Variants in FGFR2 observed in about 807,000 individuals in gnomAD.
FGFR2 encodes the protein BEK fibroblast growth factor receptor.
Under a neutral mutation model 95.9 loss-of-function variants are expected in FGFR2, and 19 were observed. The observed-to-expected ratio is 0.20, with a 90% CI of 0.14 to 0.29. The LOEUF is 0.29. Among genes scored for constraint, FGFR2 ranks in the 10% least tolerant of loss-of-function variants. The probability of loss-of-function intolerance (pLI) is 1.00; values close to 1 mark genes in which losing one functional copy is unlikely to be tolerated. For missense variants in FGFR2, 707 were observed against 1,056.9 expected, an observed-to-expected ratio of 0.67 and a Z score of 4.59; for synonymous variants, 392 against 393.3, an observed-to-expected ratio of 1.00 and a Z score of 0.04.
chr10:121,571,090 G>A (rs1334843696), intron 2 of FGFR2, among the ~76,000 whole-genome samples: 1 of 151,342 alleles, frequency 6.6e-6, no homozygotes, highest in African/African-American at 2.4e-5. Flanking sequence ...CCGGGTTCAC[G>A]CTATTCACCT....
In FGFR2 at chr10:121,517,799, A is replaced by C. The variant is rs1849895998; in HGVS notation, c.940-336T>G. Among the ~76,000 whole-genome samples the C allele has an allele frequency of 6.6e-6, 1 of 152,016 alleles. No homozygotes were observed. ...CCAAAAGTATGGTGCCCAGAAGGCC[A>C]AGCTGGTTCTGGTCCTGTTGGCTGC... On this transcript the variant is annotated intron_variant, in intron 7 of 17. Transcript: ENST00000358487. The surrounding 1 kb of genome is among the most constrained non-coding windows in gnomAD (Gnocchi z 4.7).
At chr10:121,490,142 C>T (rs546210687) in intron 13 of FGFR2, among the ~76,000 whole-genome samples, 11 of 146,152 alleles carry the variant, frequency 7.5e-5, no homozygotes, top group Non-Finnish European at 1.3e-4. Flanking sequence ...CTAGCTATTA[C>T]GACTTTTCCT....
chr10:121,538,670 A>T lies in FGFR2; in HGVS notation c.670T>A (p.Ser224Thr). 1 of 1,614,176 alleles carries T rather than the reference A, an allele frequency of 6.2e-7. No individual in the cohort carries two copies. The highest frequency in any genetic ancestry group is 8.5e-7 in the Non-Finnish European group (1 of 1,180,024). ...ACACAGGTATAATTTCCCTTGTCAG[A>T]TGGGACCACACTTTCCATAATGAGG... is the stretch of plus-strand genomic sequence containing the variant. ...WSLIMESVVPSDKGNYTCVVE... is the reference protein window; with the variant it reads ...WSLIMESVVPTDKGNYTCVVE... The change falls in exon 6 of 18, where the codon TCT becomes ACT. Residue 224 changes from serine to threonine, a missense_variant. This residue lies in a region of FGFR2 where 139 missense variants were observed against 278.1 expected (regional missense o/e 0.50). Coordinates refer to ENST00000358487, the MANE Select transcript of FGFR2 (RefSeq NM_000141.5).
chr10:121,585,829 G>T (rs547237918), intron 2 of FGFR2, among the ~76,000 whole-genome samples: 2 of 152,132 alleles, frequency 1.3e-5, no homozygotes, highest in Non-Finnish European at 2.9e-5. Context: ...TCAGTTGTGC[G>T]TCTATTGCAG....
intron 4 of FGFR2, among the ~76,000 whole-genome samples, chr10:121,561,528 C>T (rs970518230): frequency 5.9e-5 from 9 of 151,564 alleles, no homozygotes; most frequent in African/African-American, 2.2e-4. Flanking sequence ...ACACACCTTA[C>T]ATCCTTTACA....
chr10:121,524,105 C>T lies in FGFR2; in HGVS notation c.749-3936G>A, dbSNP rs1234825975. Among the ~76,000 whole-genome samples the T allele has an allele frequency of 4.2e-4, 26 of 62,476 alleles. 1 individual carries two copies. The highest frequency in any genetic ancestry group is 1.2e-3 in the African/African-American group (24 of 20,026). 41.0% of individuals were successfully genotyped at this position (62,476 alleles called of 152,430 possible). On this transcript the variant is annotated intron_variant, in intron 6 of 17. Transcript: ENST00000358487. The stretch of plus-strand genomic sequence containing the variant: ...CAATGCTATCCCGGCTATGTATACA[C>T]ACACACACACACACACACACACACA...
intron 5 of FGFR2, among the ~76,000 whole-genome samples, chr10:121,543,160 A>G (rs951380800): frequency 3.3e-5 from 5 of 152,210 alleles, no homozygotes; most frequent in African/African-American, 4.8e-5. Context: ...TGGCCTTCAC[A>G]GAGGCACCCA....
intron 6 of FGFR2, among the ~76,000 whole-genome samples, chr10:121,524,699 G>A (rs1370698437): frequency 6.6e-6 from 1 of 152,216 alleles, no homozygotes; most frequent in Admixed American, 6.5e-5. Context: ...CGAGGTGATG[G>A]CAGGGTGCAG....
chr10:121,548,220 T>G (rs7073360), intron 5 of FGFR2, among the ~76,000 whole-genome samples: 11,019 of 139,976 alleles, frequency 0.079, 1,118 homozygotes, highest in African/African-American at 0.23. Flanking sequence ...TGCATCCAAA[T>G]GTGTGGCCCT....
intron 4 of FGFR2, among the ~76,000 whole-genome samples, chr10:121,554,439 C>T (rs1026424653): frequency 6.6e-6 from 1 of 151,272 alleles, no homozygotes; most frequent in South Asian, 2.1e-4. Flanking sequence ...CCCGGGTTCA[C>T]GCCATTCTCC....
intron 6 of FGFR2, among the ~76,000 whole-genome samples, chr10:121,525,332 CG>C (rs1446055624): frequency 6.6e-6 from 1 of 152,092 alleles, no homozygotes; most frequent in East Asian, 1.9e-4. Context: ...CCACTGCTGC[CG>C]GGACAGTTGG....
Position 121,496,485 on chromosome 10 carries a change from A to G in FGFR2, c.1863+47T>C, listed in dbSNP as rs768730359. On this transcript the variant is annotated intron_variant, in intron 13 of 17. Transcript: ENST00000358487. ...CAAATTGCCTGTTTTCTTTAAAGAC[A>G]TTTTTAGTTGGATTCCACCCAGCCA... 4.5e-5 allele frequency: 71 copies of G among 1,594,674 alleles called. 1 individual carries two copies. Among genetic ancestry groups the G allele is most frequent in the Non-Finnish European group, 5.7e-5 (66 of 1,162,668 alleles).
Position 121,579,905 on chromosome 10 carries a change from G to C in FGFR2, c.109+13804C>G, listed in dbSNP as rs1420668160. ...CTCATTCCAGAAGCAGGTTTTCAGGGACAGTCACCTTGCCACACTTACTGT... is the reference window on the plus strand; with the variant it reads ...CTCATTCCAGAAGCAGGTTTTCAGGCACAGTCACCTTGCCACACTTACTGT... On this transcript the variant is annotated intron_variant, in intron 2 of 17. Coordinates refer to ENST00000358487, the MANE Select transcript of FGFR2 (RefSeq NM_000141.5). Among the ~76,000 whole-genome samples, 3 of 152,180 alleles carry C rather than the reference G, an allele frequency of 2.0e-5. No homozygotes were observed. The East Asian group carries it at 5.8e-4, about 29-fold the overall frequency.
intron 2 of FGFR2, among the ~76,000 whole-genome samples, chr10:121,569,432 T>C (rs1227371441): frequency 1.3e-5 from 2 of 152,070 alleles, no homozygotes; most frequent in African/African-American, 4.8e-5. Flanking sequence ...ATATTGGCCA[T>C]GCTGGTCTTG....
intron 6 of FGFR2, chr10:121,526,144 A>G (rs1369508327): frequency 7.5e-6 from 3 of 398,472 alleles, no homozygotes; most frequent in Admixed American, 4.4e-5. Context: ...TTAAAATCAA[A>G]ATTTAATTAC....
intron 9 of FGFR2, among the ~76,000 whole-genome samples, chr10:121,508,919 TTCCAC>T (rs527998880): frequency 3.7e-4 from 57 of 152,340 alleles, no homozygotes; most frequent in African/African-American, 1.4e-3. Flanking sequence ...CTTCATTCCC[TTCCAC>T]TCCAAGAGCG....
chr10:121,520,939 G>A (rs1181820893), intron 6 of FGFR2, among the ~76,000 whole-genome samples: 5 of 152,192 alleles, frequency 3.3e-5, no homozygotes, highest in Non-Finnish European at 5.9e-5. Flanking sequence ...CACCACGCTC[G>A]GCTCCAGTAC....
chr10:121,561,036 C>T (rs1856882798), intron 4 of FGFR2, among the ~76,000 whole-genome samples: 3 of 152,182 alleles, frequency 2.0e-5, no homozygotes, highest in Admixed American at 1.3e-4. Context: ...TTCTCTTTTG[C>T]CCCAGCTGCT....
At chr10:121,588,738 A>G (rs1017126925) in intron 2 of FGFR2, among the ~76,000 whole-genome samples, 3 of 152,126 alleles carry the variant, frequency 2.0e-5, no homozygotes, top group South Asian at 2.1e-4. Flanking sequence ...GCGAAACCCC[A>G]TATCTACGAA....
Sources: gnomAD v4.1 joint callset for allele counts (sites outside exome capture counted in the v4.1 genomes callset) on GRCh38, gnomAD v4.1.1 for gene constraint, gnomAD v4.1.1 regional missense constraint, Gnocchi (gnomAD v3.1) non-coding constraint, MANE v1.5 for transcripts, NCBI Gene and HGNC (gene_info 2026-07-23, HGNC 2026-07-21) for gene names.